The following RPS6KC1 variants were observed in gnomAD, a reference collection of about 807,000 sequenced individuals.
The protein encoded by RPS6KC1 is ribosomal protein S6 kinase C1.
Under a neutral mutation model 103.8 loss-of-function variants are expected in RPS6KC1, and 54 were observed. That is an observed-to-expected ratio of 0.52 (90% CI 0.42 to 0.65). RPS6KC1 has a LOEUF of 0.65. Among genes scored for constraint, RPS6KC1 ranks in the 30% least tolerant of loss-of-function variants. The pLI, the probability that RPS6KC1 is intolerant of heterozygous loss-of-function variation, is 0.00. For synonymous variants in RPS6KC1, 439 were observed against 438.7 expected (o/e 1.00, Z -0.01); for missense variants, 1,151 against 1,253.8 (o/e 0.92, Z 1.24).
At chr1:213,815,275 C>T in the RPS6KC1 span, among the ~76,000 whole-genome samples, 1 of 152,140 alleles carries the variant, frequency 6.6e-6, no homozygotes, top group Non-Finnish European at 1.5e-5. Context: ...TCAATTAAAC[C>T]TCTTTCCCAG....
At chr1:213,467,438 G>A in the RPS6KC1 span, among the ~76,000 whole-genome samples, 4 of 152,134 alleles carry the variant, frequency 2.6e-5, no homozygotes, top group African/African-American at 7.2e-5. Flanking sequence ...GAAATGATCC[G>A]GAACAATGTA....
chr1:213,586,001 G>A, the RPS6KC1 span, among the ~76,000 whole-genome samples: 9 of 152,164 alleles, frequency 5.9e-5, no homozygotes, highest in Non-Finnish European at 8.8e-5. Flanking sequence ...GTTCCCCCCA[G>A]ATACCAGCCC....
At chr1:213,197,928 C>T (rs572381988) in intron 8 of RPS6KC1, among the ~76,000 whole-genome samples, 6 of 152,186 alleles carry the variant, frequency 3.9e-5, no homozygotes, top group Non-Finnish European at 5.9e-5. Flanking sequence ...TCACATGGAG[C>T]ATTTAGGCCA....
chr1:213,584,774 A>T, the RPS6KC1 span, among the ~76,000 whole-genome samples: 1 of 152,210 alleles, frequency 6.6e-6, no homozygotes, highest in Admixed American at 6.5e-5. Context: ...TGTTTTATGC[A>T]TAAGAATCTT....
chr1:213,511,186 T>G, the RPS6KC1 span, among the ~76,000 whole-genome samples: 1 of 152,192 alleles, frequency 6.6e-6, no homozygotes, highest in Non-Finnish European at 1.5e-5. Context: ...AATGTCTTTT[T>G]TTTTTTTTAG....
the RPS6KC1 span, among the ~76,000 whole-genome samples, chr1:213,646,683 A>G: frequency 1.2e-4 from 18 of 152,088 alleles, no homozygotes; most frequent in African/African-American, 4.3e-4. Context: ...GCAGGGCAGG[A>G]TGAAGGAACA....
intron 3 of RPS6KC1, among the ~76,000 whole-genome samples, chr1:213,090,444 G>A (rs187682536): frequency 3.2e-4 from 48 of 152,280 alleles, no homozygotes; most frequent in African/African-American, 1.0e-3. Flanking sequence ...TATGAGTTAA[G>A]ATTTAAAAGG....
the RPS6KC1 span, among the ~76,000 whole-genome samples, chr1:213,668,818 C>T: frequency 1.3e-5 from 2 of 152,230 alleles, no homozygotes; most frequent in East Asian, 3.9e-4. Context: ...TCTATATCAA[C>T]ACTTGCTGCC....
At chr1:213,249,559 G>T (rs2094508786) in intron 12 of RPS6KC1, among the ~76,000 whole-genome samples, 1 of 152,216 alleles carries the variant, frequency 6.6e-6, no homozygotes, top group South Asian at 2.1e-4. Context: ...AGCTATGCCT[G>T]TCATTCTCAC....
chr1:213,576,657 C>T, the RPS6KC1 span, among the ~76,000 whole-genome samples: 3 of 152,098 alleles, frequency 2.0e-5, no homozygotes, highest in African/African-American at 7.2e-5. Flanking sequence ...CTCAGGCCAC[C>T]CTATTCCTGG....
the RPS6KC1 span, among the ~76,000 whole-genome samples, chr1:213,335,037 C>T: frequency 6.6e-5 from 10 of 152,134 alleles, no homozygotes; most frequent in Non-Finnish European, 1.0e-4. Context: ...ATGACTTCCG[C>T]GCCCCACCTC....
chr1:213,643,293 A>G, the RPS6KC1 span, among the ~76,000 whole-genome samples: 2 of 151,860 alleles, frequency 1.3e-5, no homozygotes, highest in Non-Finnish European at 2.9e-5. Flanking sequence ...TATTTATTCA[A>G]GTTTCTTTTT....
the RPS6KC1 span, among the ~76,000 whole-genome samples, chr1:213,693,916 C>G: frequency 6.6e-6 from 1 of 152,242 alleles, no homozygotes; most frequent in African/African-American, 2.4e-5. Flanking sequence ...CCTTGAGTCA[C>G]AATTCCTGCC....
rs1316695840 is a variant in RPS6KC1 at position 213,261,552 on chromosome 1, G to T, written c.2912-6G>T. On this transcript the variant is annotated splice_region_variant and splice_polypyrimidine_tract_variant and intron_variant, in intron 12 of 14. Coordinates refer to ENST00000366960, the MANE Select transcript of RPS6KC1 (RefSeq NM_012424.6). ...TTTTAATATCAACCTTTTTTGGTGT[G>T]GTTAGAGGTTGGAGCAATCACTGAA... 2 of 1,612,898 alleles carry T rather than the reference G, an allele frequency of 1.2e-6. No individual in the cohort carries two copies. Among genetic ancestry groups the T allele is most frequent in the African/African-American group, 2.7e-5 (2 of 74,852 alleles).
At position 213,080,273 on chromosome 1, in the gene RPS6KC1, G is replaced by T. The variant is rs189268704; in HGVS notation, c.262+2457G>T. On this transcript the variant is annotated intron_variant, in intron 3 of 14. Transcript: ENST00000366960. ...ATCTATTGACTCACTACTCTGGTGG[G>T]TAAGGATTTAGCTTGTTTACCCTGT... 6.6e-5 allele frequency among the ~76,000 whole-genome samples: 10 copies of T among 152,142 alleles called. No homozygotes were observed. The East Asian group carries it at 1.9e-3, about 29-fold the overall frequency.
chr1:213,813,166 A>C, the RPS6KC1 span, among the ~76,000 whole-genome samples: 1 of 151,902 alleles, frequency 6.6e-6, no homozygotes, highest in Admixed American at 6.6e-5. Flanking sequence ...CAGGAGAATC[A>C]CTTGAACCCG....
intron 8 of RPS6KC1, among the ~76,000 whole-genome samples, chr1:213,178,560 CAAAA>C (rs916101243): frequency 6.8e-6 from 1 of 147,970 alleles, no homozygotes; most frequent in African/African-American, 2.5e-5. Context: ...AACAAACAAA[CAAAA>C]AAAAACACAA....
chr1:213,324,724 CT>C, the RPS6KC1 span, among the ~76,000 whole-genome samples: 3 of 149,030 alleles, frequency 2.0e-5, no homozygotes, highest in African/African-American at 7.4e-5. Context: ...TCTATTCCTA[CT>C]AATCTTGTGG....
chr1:213,456,053 C>A, the RPS6KC1 span, among the ~76,000 whole-genome samples: 1 of 152,144 alleles, frequency 6.6e-6, no homozygotes, highest in African/African-American at 2.4e-5. Flanking sequence ...TCGGTGAACC[C>A]AGCCTGTGCC....
Sources: allele counts gnomAD v4.1 joint callset (sites outside exome capture counted in the v4.1 genomes callset), GRCh38; gene constraint gnomAD v4.1.1; transcripts MANE v1.5; gene names NCBI Gene and HGNC (gene_info 2026-07-23, HGNC 2026-07-21).